The following CEP164 variants were observed in gnomAD, a reference collection of about 807,000 sequenced individuals.
CEP164 encodes the protein centrosomal protein of 164 kDa.
Under a neutral mutation model 182.7 loss-of-function variants are expected in CEP164, and 162 were observed. The ratio of observed to expected loss-of-function variants is 0.89; its 90% CI spans 0.78 to 1.01. The LOEUF is 1.01. CEP164 is among the 50% of genes least tolerant of loss of function. The pLI, the probability that CEP164 is intolerant of heterozygous loss-of-function variation, is 0.00. For synonymous variants in CEP164, 661 were observed against 690.0 expected (o/e 0.96, Z 0.66); for missense variants, 1,735 against 1,790.4 (o/e 0.97, Z 0.56).
intron 13 of CEP164, 161 bp from the exon 14 acceptor site, chr11:117,382,635 A>G (rs1432081175): frequency 2.7e-6 from 2 of 739,370 alleles, no homozygotes; most frequent in Admixed American, 2.5e-5. Context: ...TAATTCAGGG[A>G]GAGGAAGGGC....
At chr11:117,366,486 C>T (rs775230549) in intron 8 of CEP164, among the ~76,000 whole-genome samples, 3 of 152,066 alleles carry the variant, frequency 2.0e-5, no homozygotes, top group Non-Finnish European at 2.9e-5. Flanking sequence ...TTCATGGAAC[C>T]GACACTGAAC....
intron 11 of CEP164, among the ~76,000 whole-genome samples, chr11:117,378,959 C>G (rs2043030164): frequency 6.6e-6 from 1 of 152,260 alleles, no homozygotes; most frequent in South Asian, 2.1e-4. Flanking sequence ...TACTATCACC[C>G]CCACTTCATT....
chr11:117,360,952 T>TG (rs1295717330), intron 5 of CEP164, among the ~76,000 whole-genome samples: 3 of 150,368 alleles, frequency 2.0e-5, no homozygotes, highest in Non-Finnish European at 4.4e-5. Context: ...TTTTTTTTTT[T>TG]GAGACAGAGT....
At chr11:117,363,054 A>G (rs984298438) in intron 7 of CEP164, among the ~76,000 whole-genome samples, 3 of 152,058 alleles carry the variant, frequency 2.0e-5, no homozygotes, top group Non-Finnish European at 2.9e-5. Context: ...TTGTTTATCT[A>G]CTCATCTGTC....
chr11:117,406,234 C>T (rs554460121), intron 27 of CEP164, among the ~76,000 whole-genome samples: 5 of 152,168 alleles, frequency 3.3e-5, no homozygotes, highest in South Asian at 2.1e-4. Context: ...AGAATCATGG[C>T]GGGAGGCAAA....
chr11:117,327,019 AG>A (rs1277314140), upstream of CEP164, among the ~76,000 whole-genome samples: 1 of 152,252 alleles, frequency 6.6e-6, no homozygotes, highest in East Asian at 1.9e-4. Flanking sequence ...TCTGCCCGAC[AG>A]GGTGTGTGGA....
At chr11:117,412,017 T>G (rs1202295318) in intron 32 of CEP164, 55 bp from the exon 33 acceptor site, 53 of 1,611,840 alleles carry the variant, frequency 3.3e-5, no homozygotes, top group African/African-American at 2.3e-4. Flanking sequence ...GACCCTTTCA[T>G]GGCCCCTGCC....
intron 17 of CEP164, 104 bp downstream of exon 17, chr11:117,391,319 C>A: frequency 1.8e-6 from 2 of 1,133,698 alleles, no homozygotes; most frequent in Non-Finnish European, 2.5e-6. Flanking sequence ...GGTGGGCGTG[C>A]AGGCTGGGGA....
upstream of CEP164, among the ~76,000 whole-genome samples, chr11:117,326,420 A>T (rs189207835): frequency 2.4e-4 from 36 of 150,968 alleles, no homozygotes; most frequent in African/African-American, 6.6e-4. Flanking sequence ...TTTAGTAGAG[A>T]CGGGGTTTCA....
Position 117,357,420 on chromosome 11 carries a change from A to G in CEP164, c.394-4415A>G, listed in dbSNP as rs1306838697. ...CACTGCACCTGATTAGAGAGTTAATATTCTTTTTTTTTTTTTTTTTTTTGA... is the reference window on the plus strand; with the variant it reads ...CACTGCACCTGATTAGAGAGTTAATGTTCTTTTTTTTTTTTTTTTTTTTGA... On this transcript the variant is annotated intron_variant, in intron 5 of 32. Transcript: ENST00000278935. Among the ~76,000 whole-genome samples the G allele has an allele frequency of 1.1e-4, 10 of 94,112 alleles. 1 individual carries two copies. The allele number at this position is 94,112 out of a possible 152,430, so 61.7% of individuals were successfully genotyped here. A position where few individuals can be genotyped will look rare whatever the true frequency, so the allele number is the denominator to read the frequency against.
chr11:117,372,356 C>T (rs986489063), intron 9 of CEP164, among the ~76,000 whole-genome samples: 1 of 152,078 alleles, frequency 6.6e-6, no homozygotes, highest in Non-Finnish European at 1.5e-5. Flanking sequence ...CTCGATCTGC[C>T]CGCCTCGGCC....
chr11:117,323,148 A>C (rs112744667), upstream of CEP164, among the ~76,000 whole-genome samples: 998 of 151,790 alleles, frequency 6.6e-3, 15 homozygotes, highest in African/African-American at 0.022. Flanking sequence ...TGATCCACTC[A>C]CCTCCACCTC....
chr11:117,327,672 CG>C (rs2035541652), upstream of CEP164, among the ~76,000 whole-genome samples: 1 of 152,086 alleles, frequency 6.6e-6, no homozygotes, highest in African/African-American at 2.4e-5. Context: ...CAACCTCTTG[CG>C]GATTCCCATT....
chr11:117,394,410 A>T lies in CEP164; in HGVS notation c.2677A>T (p.Arg893Trp), dbSNP rs1316877137. 6.2e-7 allele frequency: 1 copy of T among 1,613,302 alleles called. No homozygotes were observed. Among genetic ancestry groups the T allele is most frequent in the Non-Finnish European group, 8.5e-7 (1 of 1,179,772 alleles). Residue 893 changes from arginine (R) to tryptophan (W), a missense_variant, in exon 21 of 33, where the codon AGG becomes TGG. Arg to Trp is a moderately radical substitution (Grantham distance 101). Coordinates refer to ENST00000278935, the MANE Select transcript of CEP164 (RefSeq NM_014956.5). The surrounding 1 kb of genome is among the most constrained non-coding windows in gnomAD (Gnocchi z 4.0). ...GACCGGAGAGCTGGAGCGCCTGCAG[A>T]GGGCCCATGAACGAGAACTGGAGAC... is the stretch of plus-strand genomic sequence containing the variant. ...HLTGELERLQ[R>W]AHERELETVR...
chr11:117,409,738 C>T lies in CEP164; in HGVS notation c.3869C>T (p.Pro1290Leu), dbSNP rs377394847. ...CTGGACAGCCTCAACCCTCAGTCGC[C>T]GCCGCCGCTCCTCGCCTCCATGCCA... ...SILDSLNPQS[P>L]PPLLASMPAQ... The change falls in exon 30 of 33, where the codon CCG (proline) becomes CTG (leucine). Residue 1290 changes from proline (P) to leucine (L), a missense_variant. Pro to Leu is a moderately conservative substitution (Grantham distance 98). Coordinates refer to ENST00000278935, the MANE Select transcript of CEP164 (RefSeq NM_014956.5). This position sits in a 1 kb window ranked among gnomAD's most constrained non-coding sequence, Gnocchi z 4.4. The T allele has an allele frequency of 4.6e-5, 75 of 1,613,906 alleles. 1 individual carries two copies. Among genetic ancestry groups the T allele is most frequent in the South Asian group, 5.5e-5 (5 of 91,092 alleles).
At chr11:117,401,311 C>T (rs1290088844) in intron 27 of CEP164, among the ~76,000 whole-genome samples, 2 of 152,196 alleles carry the variant, frequency 1.3e-5, no homozygotes, top group South Asian at 4.1e-4. Flanking sequence ...GTATGTTGAA[C>T]CAGCCTTGCA....
intron 12 of CEP164, among the ~76,000 whole-genome samples, chr11:117,381,289 A>G (rs2043288672): frequency 6.6e-6 from 1 of 152,198 alleles, no homozygotes; most frequent in Admixed American, 6.5e-5. Flanking sequence ...TGCAAAAACT[A>G]TCCATGACAG....
intron 5 of CEP164, among the ~76,000 whole-genome samples, chr11:117,361,168 C>T (rs1455520164): frequency 2.0e-5 from 3 of 149,098 alleles, no homozygotes; most frequent in African/African-American, 7.4e-5. Flanking sequence ...CTCCTGATCT[C>T]AGGTGATCCA....
rs1219928483 is a variant in CEP164 at position 117,392,220 on chromosome 11, C to T, written c.2284-6C>T. ...CTTCACTCACAGTCCCTTTGCTCCTCCCCAGGCTGTGGCAACGCTGGAGAA... is the reference window on the plus strand; with the variant it reads ...CTTCACTCACAGTCCCTTTGCTCCTTCCCAGGCTGTGGCAACGCTGGAGAA... On this transcript the variant is annotated splice_polypyrimidine_tract_variant and splice_region_variant and intron_variant, in intron 17 of 32. Coordinates refer to ENST00000278935, the MANE Select transcript of CEP164 (RefSeq NM_014956.5). The T allele has an allele frequency of 6.3e-7, 1 of 1,593,124 alleles. No homozygotes were observed. The highest frequency in any genetic ancestry group is 2.2e-5 in the East Asian group (1 of 44,618).
Sources: gnomAD v4.1 joint callset for allele counts (sites outside exome capture counted in the v4.1 genomes callset) on GRCh38, gnomAD v4.1.1 for gene constraint, Gnocchi (gnomAD v3.1) non-coding constraint, MANE v1.5 for transcripts, NCBI Gene and HGNC (gene_info 2026-07-23, HGNC 2026-07-21) for gene names.